Variants in MEGF6 observed in about 807,000 individuals in gnomAD.
MEGF6 encodes multiple EGF like domains 6.
Under a neutral mutation model 207.1 loss-of-function variants are expected in MEGF6, and 184 were observed. That is an observed-to-expected ratio of 0.89 (90% CI 0.79 to 1.00). MEGF6 has a LOEUF of 1.00. Ranked by LOEUF, MEGF6 falls within the 50% of genes least tolerant of loss-of-function variation. MEGF6 has a pLI of 0.00. For synonymous variants in MEGF6, 1,038 were observed against 910.0 expected, an observed-to-expected ratio of 1.14 and a Z score of -2.53; for missense variants, 2,282 against 2,202.9, an observed-to-expected ratio of 1.04 and a Z score of -0.72.
At chr1:3,522,279 G>A (rs745549157) in intron 5 of MEGF6, among the ~76,000 whole-genome samples, 6 of 152,140 alleles carry the variant, frequency 3.9e-5, no homozygotes, top group Non-Finnish European at 8.8e-5. Context: ...GGCCCTCCAT[G>A]GGGTGAGGAA....
chr1:3,489,334 CAGCCCAGA>C lies in MEGF6; in HGVS notation c.*1186_*1193del, dbSNP rs910624198. Reference sequence around the variant, plus strand: ...GCTGGTTTTAGGGTGATGGGGGCGGCAGCCCAGACCCTAAGGGGGCCTTCTTAAGGGAG... The same window carrying C: ...GCTGGTTTTAGGGTGATGGGGGCGGCCCCTAAGGGGGCCTTCTTAAGGGAG... On this transcript the variant is annotated 3_prime_UTR_variant, in exon 37 of 37. Coordinates refer to ENST00000356575, the MANE Select transcript of MEGF6 (RefSeq NM_001409.4). Among the ~76,000 whole-genome samples the C allele has an allele frequency of 2.0e-5, 3 of 152,226 alleles. No individual in the cohort carries two copies. The highest frequency in any genetic ancestry group is 4.8e-5 in the African/African-American group (2 of 41,450).
At chr1:3,551,131 C>T (rs1331615232) in intron 4 of MEGF6, among the ~76,000 whole-genome samples, 2 of 152,200 alleles carry the variant, frequency 1.3e-5, no homozygotes, top group Non-Finnish European at 2.9e-5. Context: ...GGCCAGATGC[C>T]CCACAGATGT....
chr1:3,542,589 G>A (rs1642565550), intron 4 of MEGF6, among the ~76,000 whole-genome samples: 2 of 152,184 alleles, frequency 1.3e-5, no homozygotes, highest in Non-Finnish European at 2.9e-5. Context: ...TGGGCCACAC[G>A]AGTGGGGCAG....
chr1:3,598,732 G>A (rs1396905942), intron 2 of MEGF6, among the ~76,000 whole-genome samples: 7 of 98,016 alleles, frequency 7.1e-5, no homozygotes, highest in Admixed American at 2.8e-4. Context: ...CCCCCCCCCC[G>A]GGGCCCACTC....
At chr1:3,596,765 C>T (rs1290569279) in intron 2 of MEGF6, among the ~76,000 whole-genome samples, 3 of 151,880 alleles carry the variant, frequency 2.0e-5, no homozygotes, top group Non-Finnish European at 2.9e-5. Flanking sequence ...CCAGCCCCCA[C>T]GCATGGGAAG....
chr1:3,514,742 G>A lies in MEGF6; in HGVS notation c.731-70C>T, dbSNP rs1641479039. On this transcript the variant is annotated intron_variant, in intron 6 of 36. Transcript: ENST00000356575. ...AGTGGCTGCAGGGCGCCTGCCCCCAGGCTTCTTGTGAGACCCCTCACCCAG... is the reference window on the plus strand; with the variant it reads ...AGTGGCTGCAGGGCGCCTGCCCCCAAGCTTCTTGTGAGACCCCTCACCCAG... 2.1e-6 allele frequency: 3 copies of A among 1,462,360 alleles called. No homozygotes were observed. The East Asian group carries it at 7.4e-5, about 36-fold the overall frequency. 90.6% of individuals were successfully genotyped at this position (1,462,360 alleles called of 1,614,324 possible). A position where few individuals can be genotyped will look rare whatever the true frequency, so the allele number is the denominator to read the frequency against.
chr1:3,507,581 C>T (rs1461073948), intron 14 of MEGF6, among the ~76,000 whole-genome samples: 2 of 152,182 alleles, frequency 1.3e-5, no homozygotes, highest in East Asian at 3.9e-4. Flanking sequence ...AAAAGCAATA[C>T]CCCTCTCATT....
chr1:3,517,068 G>C (rs571086863), intron 5 of MEGF6, among the ~76,000 whole-genome samples: 1 of 152,358 alleles, frequency 6.6e-6, no homozygotes, highest in East Asian at 1.9e-4. Flanking sequence ...AGGGGCCTCT[G>C]AGCATGGCCT....
At chr1:3,570,337 G>A (rs141825562) in intron 4 of MEGF6, among the ~76,000 whole-genome samples, 40 of 152,220 alleles carry the variant, frequency 2.6e-4, no homozygotes, top group Admixed American at 2.3e-3. Flanking sequence ...AGAAGGGGCC[G>A]CCCGGCAGGC....
Position 3,611,209 on chromosome 1 carries a change from C to T in MEGF6, c.60G>A (p.Leu20=), listed in dbSNP as rs2101918016. 1.9e-6 allele frequency: 3 copies of T among 1,558,318 alleles called. No individual in the cohort carries two copies. In the East Asian group the frequency reaches 7.4e-5, roughly 39 times the overall value. ...AGRAVVLALV[L]LLLPAVPVGA... ...CCACGGGCACGGCGGGGAGCAGCAG[C>T]AGCACCAACGCCAGGACCACCGCGC... The change falls in exon 1 of 37, where the codon CTG becomes CTA. Residue 20 remains leucine, a synonymous_variant. Transcript: ENST00000356575.
At position 3,530,993 on chromosome 1, in the gene MEGF6, C is replaced by A. The variant is rs1021421800; in HGVS notation, c.482-6747G>T. 1.7e-5 allele frequency: 23 copies of A among 1,393,166 alleles called. No individual in the cohort carries two copies. In the African/African-American group the frequency reaches 2.9e-4, roughly 18 times the overall value. The allele number at this position is 1,393,166 out of a possible 1,614,324, so 86.3% of individuals were successfully genotyped here. On this transcript the variant is annotated intron_variant, in intron 4 of 36. Coordinates refer to ENST00000356575, the MANE Select transcript of MEGF6 (RefSeq NM_001409.4). ...TCCAGCCTAGCAGGCAGCGCCCTGG[C>A]GCAAACTTTAAAAACAGGAAACAAA...
intron 3 of MEGF6, among the ~76,000 whole-genome samples, chr1:3,592,924 C>G (rs763682359): frequency 6.6e-6 from 1 of 152,212 alleles, no homozygotes; most frequent in Non-Finnish European, 1.5e-5. Flanking sequence ...CAACCAGGAC[C>G]CCCACCCTCC....
intron 3 of MEGF6, among the ~76,000 whole-genome samples, chr1:3,589,672 G>A (rs1439472894): frequency 6.6e-6 from 1 of 152,240 alleles, no homozygotes; most frequent in Non-Finnish European, 1.5e-5. Context: ...GCAGGTGCAG[G>A]TTTCTGCTCA....
At position 3,582,428 on chromosome 1, in the gene MEGF6, T is replaced by A. The variant is rs535427956; in HGVS notation, c.377-2499A>T. ...CAGTCGGGTCCACCCTCAGGGTATC[T>A]TGAACACACCCACGTCTCTCCACCT... On this transcript the variant is annotated intron_variant, in intron 3 of 36. Transcript: ENST00000356575. Among the ~76,000 whole-genome samples, 3 of 152,264 alleles carry A rather than the reference T, an allele frequency of 2.0e-5. No homozygotes were observed. The East Asian group carries it at 5.8e-4, about 29-fold the overall frequency.
chr1:3,601,822 C>T lies in MEGF6; in HGVS notation c.266+644G>A, dbSNP rs1334584983. The stretch of plus-strand genomic sequence containing the variant: ...GCAGGTGTCCCGCGTGGACCCCATG[C>T]CCAAGGGAGCAGCGCAGAGCAGGGC... On this transcript the variant is annotated intron_variant, in intron 2 of 36. Coordinates refer to ENST00000356575, the MANE Select transcript of MEGF6 (RefSeq NM_001409.4). Among the ~76,000 whole-genome samples the T allele has an allele frequency of 6.6e-5, 10 of 152,368 alleles. No homozygotes were observed. The South Asian group carries it at 1.7e-3, about 25-fold the overall frequency.
chr1:3,541,315 G>A (rs569249546), intron 4 of MEGF6, among the ~76,000 whole-genome samples: 41 of 152,300 alleles, frequency 2.7e-4, no homozygotes, highest in East Asian at 7.7e-4. Flanking sequence ...CCACTCTTCC[G>A]GTTCAGCAAG....
At chr1:3,514,057 G>A (rs1022056021) in intron 7 of MEGF6, among the ~76,000 whole-genome samples, 3 of 151,968 alleles carry the variant, frequency 2.0e-5, no homozygotes, top group African/African-American at 7.2e-5. Context: ...GAGCATCCTG[G>A]CCAACATGGT....
rs1346269377 is a variant in MEGF6 at position 3,611,293 on chromosome 1, T to C, written c.-25A>G. The C allele has an allele frequency of 1.9e-5, 27 of 1,428,272 alleles. No individual in the cohort carries two copies. The highest frequency in any genetic ancestry group is 2.4e-5 in the Non-Finnish European group (26 of 1,097,390). The allele number at this position is 1,428,272 out of a possible 1,614,324, so 88.5% of individuals were successfully genotyped here. A position where few individuals can be genotyped will look rare whatever the true frequency, so the allele number is the denominator to read the frequency against. On this transcript the variant is annotated 5_prime_UTR_variant, in exon 1 of 37. Coordinates refer to ENST00000356575, the MANE Select transcript of MEGF6 (RefSeq NM_001409.4). ...TCGTGCGCGCCGGTGCCTCCTCCGC[T>C]CTCCGGCTCACAGGCGGCCCCGGCG...
chr1:3,498,304 C>T (rs1421021037), intron 26 of MEGF6, 67 bp downstream of exon 26: 11 of 1,539,136 alleles, frequency 7.1e-6, no homozygotes, highest in African/African-American at 1.4e-5. Context: ...CTCAGCCCTG[C>T]AGTAAGGCTG....
Sources: allele counts gnomAD v4.1 joint callset (sites outside exome capture counted in the v4.1 genomes callset), GRCh38; gene constraint gnomAD v4.1.1; transcripts MANE v1.5; gene names NCBI Gene and HGNC (gene_info 2026-07-23, HGNC 2026-07-21).